The following CMYA5 variants were observed in gnomAD, a reference collection of about 807,000 sequenced individuals.
CMYA5 encodes the protein cardiomyopathy associated 5, also known as cardiomyopathy-associated protein 5.
Under a neutral mutation model 318.9 loss-of-function variants are expected in CMYA5, and 246 were observed. That is an observed-to-expected ratio of 0.77 (90% CI 0.70 to 0.86). The LOEUF (loss-of-function observed/expected upper bound fraction) is 0.86, where lower values mean the gene tolerates loss of function less well. CMYA5 is among the 40% of genes least tolerant of loss of function. CMYA5 has a pLI of 0.00. For missense variants in CMYA5, 4,589 were observed against 4,678.2 expected (o/e 0.98, Z 0.56); for synonymous variants, 1,641 against 1,729.5 (o/e 0.95, Z 1.27).
intron 1 of CMYA5, among the ~76,000 whole-genome samples, chr5:79,725,440 A>G (rs1827728355): frequency 6.6e-6 from 1 of 152,204 alleles, no homozygotes; most frequent in Non-Finnish European, 1.5e-5. Context: ...AAAGATGGGC[A>G]CAATAGACAC....
chr5:79,708,346 G>T lies in CMYA5; in HGVS notation c.149+18290G>T, dbSNP rs140070720. ...ATAATAGAAAGTAACATTTGGCCGG[G>T]CATGGTGGCTCACGCCTGTAATCTC... On this transcript the variant is annotated intron_variant, in intron 1 of 12. Coordinates refer to ENST00000446378, the MANE Select transcript of CMYA5 (RefSeq NM_153610.5). 6.1e-3 allele frequency among the ~76,000 whole-genome samples: 928 copies of T among 152,348 alleles called. 12 individuals carry two copies. The highest frequency in any genetic ancestry group is 0.02 in the African/African-American group (848 of 41,578).
In CMYA5 at chr5:79,743,891, G is replaced by T. The variant is rs1440941566; in HGVS notation, c.10703G>T (p.Ser3568Ile). The T allele has an allele frequency of 8.4e-6, 13 of 1,546,218 alleles. No individual in the cohort carries two copies. The highest frequency in any genetic ancestry group is 1.7e-4 in the Middle Eastern group (1 of 5,990). ...EKSLRIEAFVSEIESFFNTIE... is the reference protein window; with the variant it reads ...EKSLRIEAFVIEIESFFNTIE... ...TCCTTGAGGATTGAAGCCTTTGTTA[G>T]TGAGATAGAATCCTTTTTTAATACC... Residue 3568 changes from serine (S) to isoleucine (I), a missense_variant, in exon 3 of 13, where the codon AGT becomes ATT. Ser to Ile is a moderately radical substitution (Grantham distance 142). This residue lies in a region of CMYA5 where 2,431 missense variants were observed against 2,495.1 expected (regional missense o/e 0.97). Transcript: ENST00000446378.
At chr5:79,777,007 A>G (rs757271368) in intron 9 of CMYA5, among the ~76,000 whole-genome samples, 9 of 152,134 alleles carry the variant, frequency 5.9e-5, no homozygotes, top group African/African-American at 9.7e-5. Flanking sequence ...TTAAGCACAT[A>G]CATACTCCTT....
At position 79,730,432 on chromosome 5, in the gene CMYA5, A is replaced by G. The variant is rs944157774; in HGVS notation, c.1667A>G (p.Glu556Gly). ...PFPPHMSPEV[E>G]HKEEELILPL... ...CCACCACATATGTCCCCTGAAGTGG[A>G]GCACAAAGAAGAAGAGCTTATTCTA... is the stretch of plus-strand genomic sequence containing the variant. The change falls in exon 2 of 13, where the codon GAG (glutamate) becomes GGG (glycine). Residue 556 changes from glutamate (E) to glycine (G), a missense_variant. Glu to Gly is a moderately conservative substitution (Grantham distance 98). Coordinates refer to ENST00000446378, the MANE Select transcript of CMYA5 (RefSeq NM_153610.5). 1 of 1,613,796 alleles carries G rather than the reference A, an allele frequency of 6.2e-7. No homozygotes were observed. Among genetic ancestry groups the G allele is most frequent in the Non-Finnish European group, 8.5e-7 (1 of 1,179,878 alleles).
rs752833503 is a variant in CMYA5, at chr5:79,734,324, G to A, written c.5559G>A (p.Gln1853=). Residue 1853 remains glutamine (Q), a synonymous_variant, in exon 2 of 13, where the codon CAG becomes CAA. Transcript: ENST00000446378. ...SEDKQDLGIK[Q]FSLMRENLPL... is the part of the protein sequence containing the mutation. ...ATAAACAAGATCTGGGTATTAAGCA[G>A]TTTTCACTTATGAGAGAGAATTTGC... is the stretch of plus-strand genomic sequence containing the variant. 6.2e-7 allele frequency: 1 copy of A among 1,613,658 alleles called. No individual in the cohort carries two copies. Among genetic ancestry groups the A allele is most frequent in the African/African-American group, 1.3e-5 (1 of 74,918 alleles).
At chr5:79,695,734 A>G (rs186925023) in intron 1 of CMYA5, among the ~76,000 whole-genome samples, 22 of 152,354 alleles carry the variant, frequency 1.4e-4, no homozygotes, top group African/African-American at 5.1e-4. Flanking sequence ...GGTTAATTTC[A>G]ATGTAATATC....
intron 9 of CMYA5, 43 bp from the exon 10 acceptor site, chr5:79,788,928 T>C (rs1271459276): frequency 1.9e-6 from 3 of 1,571,446 alleles, no homozygotes; most frequent in Non-Finnish European, 2.6e-6. Flanking sequence ...TCATTTAGCA[T>C]GTGGCATTAT....
intron 1 of CMYA5, among the ~76,000 whole-genome samples, chr5:79,711,674 T>A (rs1017419554): frequency 6.6e-6 from 1 of 152,244 alleles, no homozygotes; most frequent in Non-Finnish European, 1.5e-5. Context: ...ATTTTATGTA[T>A]GCACAAAAGA....
intron 12 of CMYA5, among the ~76,000 whole-genome samples, chr5:79,798,598 C>T (rs1829316800): frequency 6.6e-6 from 1 of 152,196 alleles, no homozygotes; most frequent in African/African-American, 2.4e-5. Context: ...CATTCCCAGC[C>T]GTGGTCCGAG....
At chr5:79,723,922 C>T (rs1479632880) in intron 1 of CMYA5, among the ~76,000 whole-genome samples, 2 of 152,070 alleles carry the variant, frequency 1.3e-5, no homozygotes, top group Non-Finnish European at 2.9e-5. Flanking sequence ...GAGTTCAGTT[C>T]AGGAGTTCAA....
chr5:79,739,015 T>C lies in CMYA5; in HGVS notation c.10250T>C (p.Val3417Ala), dbSNP rs761541372. 1.9e-6 allele frequency: 3 copies of C among 1,613,800 alleles called. No homozygotes were observed. In the Admixed American group the frequency reaches 5.0e-5, roughly 27 times the overall value. The change falls in exon 2 of 13, where the codon GTT (valine) becomes GCT (alanine). Residue 3417 changes from valine to alanine, a missense_variant. Val to Ala is a moderately conservative substitution (Grantham distance 64, BLOSUM62 0). Around this residue, in one of 3 missense-constraint regions of CMYA5, gnomAD observed 2,431 missense variants for 2,495.1 expected, o/e 0.97. Coordinates refer to ENST00000446378, the MANE Select transcript of CMYA5 (RefSeq NM_153610.5). ...GAAGAGAGGCTCCGTAATAGCCCTGTTCAGGATGAGTATGAATTTACAGAA... is the reference window on the plus strand; with the variant it reads ...GAAGAGAGGCTCCGTAATAGCCCTGCTCAGGATGAGTATGAATTTACAGAA... ...PSEERLRNSP[V>A]QDEYEFTESL...
intron 9 of CMYA5, among the ~76,000 whole-genome samples, chr5:79,775,149 A>G (rs1828915768): frequency 6.6e-6 from 1 of 152,208 alleles, no homozygotes; most frequent in Non-Finnish European, 1.5e-5. Context: ...CTCTGTAGGG[A>G]GCCTTTGGGA....
intron 1 of CMYA5, among the ~76,000 whole-genome samples, chr5:79,717,895 T>TAG (rs1270909946): frequency 8.5e-5 from 8 of 94,570 alleles, no homozygotes; most frequent in African/African-American, 3.0e-4. Context: ...TTTTTTTTTT[T>TAG]TTTTTTTTTT....
At chr5:79,708,485 C>A (rs1217422129) in intron 1 of CMYA5, among the ~76,000 whole-genome samples, 1 of 152,002 alleles carries the variant, frequency 6.6e-6, no homozygotes, top group African/African-American at 2.4e-5. Context: ...ATTAGCCAGG[C>A]GTGGTGGCGG....
At position 79,799,484 on chromosome 5, in the gene CMYA5, G is replaced by T; in HGVS notation, c.12078G>T (p.Glu4026Asp). The T allele has an allele frequency of 6.2e-7, 1 of 1,614,022 alleles. No homozygotes were observed. Among genetic ancestry groups the T allele is most frequent in the South Asian group, 1.1e-5 (1 of 91,078 alleles). The change falls in exon 13 of 13, where the codon GAG becomes GAT. Residue 4026 changes from glutamate to aspartate, a missense_variant. Around this residue, in one of 3 missense-constraint regions of CMYA5, gnomAD observed 2,431 missense variants for 2,495.1 expected, o/e 0.97. Transcript: ENST00000446378. ...AGAGACTTATCTTCATCAACGCAGAGAGCGAGCAGTTGCTCTTCATCATCA... is the reference window on the plus strand; with the variant it reads ...AGAGACTTATCTTCATCAACGCAGATAGCGAGCAGTTGCTCTTCATCATCA... ...NNQRLIFINA[E>D]SEQLLFIIRH...
intron 1 of CMYA5, among the ~76,000 whole-genome samples, chr5:79,716,069 C>T (rs969247129): frequency 6.6e-6 from 1 of 152,202 alleles, no homozygotes; most frequent in African/African-American, 2.4e-5. Context: ...TGGATACTCA[C>T]AAGCACGTAG....
At chr5:79,795,408 T>C (rs1829258909) in intron 12 of CMYA5, among the ~76,000 whole-genome samples, 1 of 152,128 alleles carries the variant, frequency 6.6e-6, no homozygotes, top group Non-Finnish European at 1.5e-5. Flanking sequence ...GATGTCACAA[T>C]TGGGAAGGAG....
chr5:79,732,467 A>G lies in CMYA5; in HGVS notation c.3702A>G (p.Pro1234=), dbSNP rs1274934305. 1 of 1,613,106 alleles carries G rather than the reference A, an allele frequency of 6.2e-7. No homozygotes were observed. The highest frequency in any genetic ancestry group is 1.3e-5 in the African/African-American group (1 of 74,938). The change falls in exon 2 of 13, where the codon CCA becomes CCG. Residue 1234 remains proline (P), a synonymous_variant. Coordinates refer to ENST00000446378, the MANE Select transcript of CMYA5 (RefSeq NM_153610.5). ...QKMEPQPPNV[P]ESEMKYSVLP... is the part of the protein sequence containing the mutation. ...TGGAGCCTCAGCCTCCAAATGTTCC[A>G]GAGTCTGAGATGAAATATTCAGTTT...
At chr5:79,723,524 G>A (rs752953293) in intron 1 of CMYA5, among the ~76,000 whole-genome samples, 18 of 151,280 alleles carry the variant, frequency 1.2e-4, no homozygotes, top group Middle Eastern at 3.5e-3. Context: ...CACTTTGGGA[G>A]GCCAAGGCAG....
Sources: gnomAD v4.1 joint callset for allele counts (sites outside exome capture counted in the v4.1 genomes callset) on GRCh38, gnomAD v4.1.1 for gene constraint, gnomAD v4.1.1 regional missense constraint, MANE v1.5 for transcripts, NCBI Gene and HGNC (gene_info 2026-07-23, HGNC 2026-07-21) for gene names.